Variants in ZNF197 observed in about 807,000 individuals in gnomAD.
ZNF197 encodes zinc finger protein 197.
ZNF197 carries 14 observed loss-of-function variants against 27.4 expected under a neutral mutation model. That is an observed-to-expected ratio of 0.51 (90% confidence interval 0.34 to 0.80). The LOEUF (loss-of-function observed/expected upper bound fraction) is 0.80. Among genes scored for constraint, ZNF197 ranks in the 30% least tolerant of loss-of-function variants. The pLI, the probability that ZNF197 is intolerant of heterozygous loss-of-function variation, is 0.02. For missense variants in ZNF197, 1,090 were observed against 1,222.6 expected (o/e 0.89, Z 1.62); for synonymous variants, 415 against 420.0 (o/e 0.99, Z 0.15).
At chr3:44,628,965 C>G in intron 1 of ZNF197, 109 bp from the exon 2 acceptor site, 1 of 751,508 alleles carries the variant, frequency 1.3e-6, no homozygotes, top group Non-Finnish European at 2.1e-6. Context: ...ACCTTGCACT[C>G]ACAAAGGTTC....
rs146860784 is a variant in ZNF197 at position 44,642,828 on chromosome 3, C to A, written c.1698C>A (p.Tyr566Ter). 1.9e-6 allele frequency: 3 copies of A among 1,613,944 alleles called. No individual in the cohort carries two copies. In the African/African-American group the frequency reaches 4.0e-5, roughly 22 times the overall value. Residue 566 changes from tyrosine to a stop codon, truncating the protein, a stop_gained, in exon 6 of 6, where the codon TAC (tyrosine) becomes TAA (stop). Transcript: ENST00000344387. LOFTEE classifies it low-confidence loss of function (END_TRUNC). The stretch of plus-strand genomic sequence containing the variant: ...GACTCCACAGTGCAGAGAACCCTTA[C>A]AAGTGTAAAGAATGTGGAAAAGTTT... ...HQRLHSAENP[Y>*]KCKECGKVFI...
Position 44,629,266 on chromosome 3 carries a change from T to G in ZNF197, c.112T>G (p.Trp38Gly). ...CTTCCAAGGAAGTAGCTCCTCTGTT[T>G]GGGAGACCTCCCACCTACACTTTAG... ...TSFQGSSSSV[W>G]ETSHLHFRQL... The change falls in exon 2 of 6, where the codon TGG becomes GGG. Residue 38 changes from tryptophan to glycine, a missense_variant. Physicochemically the swap from Trp to Gly is radical, Grantham distance 184. Transcript: ENST00000344387. The G allele has an allele frequency of 6.2e-7, 1 of 1,614,138 alleles. No homozygotes were observed. The highest frequency in any genetic ancestry group is 8.5e-7 in the Non-Finnish European group (1 of 1,180,026).
At chr3:44,628,462 G>A (rs1701793602) in intron 1 of ZNF197, among the ~76,000 whole-genome samples, 1 of 152,182 alleles carries the variant, frequency 6.6e-6, no homozygotes, top group South Asian at 2.1e-4. Flanking sequence ...GGCATGTAGA[G>A]CAAAACTACA....
chr3:44,629,204 T>G lies in ZNF197; in HGVS notation c.50T>G (p.Val17Gly). 6.2e-7 allele frequency: 1 copy of G among 1,613,814 alleles called. No individual in the cohort carries two copies. The highest frequency in any genetic ancestry group is 8.5e-7 in the Non-Finnish European group (1 of 1,179,896). The stretch of plus-strand genomic sequence containing the variant: ...AATGCTCTGAGACAAGAGGGCCTTG[T>G]GAAGGGGAAGGATGATACCTGGAAA... The part of the protein sequence containing the change: ...AHNALRQEGL[V>G]KGKDDTWKWG... The change falls in exon 2 of 6, where the codon GTG (valine) becomes GGG (glycine). Residue 17 changes from valine (V) to glycine (G), a missense_variant. Coordinates refer to ENST00000344387, the MANE Select transcript of ZNF197 (RefSeq NM_006991.5).
At chr3:44,632,266 T>C in intron 4 of ZNF197, 70 bp downstream of exon 4, 1 of 1,572,466 alleles carries the variant, frequency 6.4e-7, no homozygotes, top group Non-Finnish European at 8.8e-7. Context: ...TCTCTCATCC[T>C]TGTGCTTCAA....
At chr3:44,627,700 G>A (rs1247205815) in intron 1 of ZNF197, among the ~76,000 whole-genome samples, 6 of 151,834 alleles carry the variant, frequency 4.0e-5, no homozygotes, top group African/African-American at 1.5e-4. Context: ...GCATGGTGGT[G>A]CGAGCCTGTA....
In ZNF197 at chr3:44,647,298, T is replaced by TA. The variant is rs1188299197; in HGVS notation, c.*3080dup. 1 of 151,958 alleles carries TA rather than the reference T, an allele frequency of 6.6e-6. No individual in the cohort carries two copies. The highest frequency in any genetic ancestry group is 1.5e-5 in the Non-Finnish European group (1 of 67,960). The allele number at this position is 151,958 out of a possible 1,614,324, so 9.4% of individuals were successfully genotyped here. ...TCAGAATAGCTTAACTTTTTTTTTT[T>TA]AATGGTGGTAACTGCTGGCAAGGAT... On this transcript the variant is annotated 3_prime_UTR_variant, in exon 6 of 6. Transcript: ENST00000344387.
At chr3:44,636,304 C>CAAAA (rs1304837972) in intron 5 of ZNF197, among the ~76,000 whole-genome samples, 4 of 77,274 alleles carry the variant, frequency 5.2e-5, no homozygotes, top group Admixed American at 1.5e-4. Context: ...GACTCCGTCT[C>CAAAA]AAAAAAAAAA....
chr3:44,638,653 G>A (rs1406956106), intron 5 of ZNF197, among the ~76,000 whole-genome samples: 2 of 152,026 alleles, frequency 1.3e-5, no homozygotes, highest in East Asian at 1.9e-4. Context: ...TCTTGTTCTT[G>A]TCCTTAGAGA....
chr3:44,629,230 T>G lies in ZNF197; in HGVS notation c.76T>G (p.Trp26Gly). ...LVKGKDDTWK[W>G]GTSFQGSSSS... ...GAAGGGGAAGGATGATACCTGGAAA[T>G]GGGGAACCAGCTTCCAAGGAAGTAG... is the stretch of plus-strand genomic sequence containing the variant. The change falls in exon 2 of 6, where the codon TGG (tryptophan) becomes GGG (glycine). Residue 26 changes from tryptophan (W) to glycine (G), a missense_variant. Coordinates refer to ENST00000344387, the MANE Select transcript of ZNF197 (RefSeq NM_006991.5). 3.1e-6 allele frequency: 5 copies of G among 1,614,096 alleles called. No homozygotes were observed. The highest frequency in any genetic ancestry group is 4.2e-6 in the Non-Finnish European group (5 of 1,180,010).
At chr3:44,635,897 T>G (rs777883887) in intron 5 of ZNF197, among the ~76,000 whole-genome samples, 1 of 152,180 alleles carries the variant, frequency 6.6e-6, no homozygotes, top group Non-Finnish European at 1.5e-5. Context: ...AAGGAAAGAT[T>G]TATAACAGTT....
chr3:44,646,115 A>G lies in ZNF197; in HGVS notation c.*1895A>G. 1.0e-6 allele frequency: 1 copy of G among 985,392 alleles called. No individual in the cohort carries two copies. Among genetic ancestry groups the G allele is most frequent in the Non-Finnish European group, 1.2e-6 (1 of 829,918 alleles). 61.0% of individuals were successfully genotyped at this position (985,392 alleles called of 1,614,324 possible). On this transcript the variant is annotated 3_prime_UTR_variant, in exon 6 of 6. Transcript: ENST00000344387. ...CAAGAGTGAAAACTGGAAGGGGCCT[A>G]AGGCTTAAAGTCTTAAGACCTGGAT...
chr3:44,636,517 A>G (rs2125810775), intron 5 of ZNF197, among the ~76,000 whole-genome samples: 1 of 152,304 alleles, frequency 6.6e-6, no homozygotes, highest in African/African-American at 2.4e-5. Context: ...TTTACTTAGC[A>G]TAGTATTTCT....
At chr3:44,626,513 A>G (rs1453727587) in intron 1 of ZNF197, among the ~76,000 whole-genome samples, 1 of 152,260 alleles carries the variant, frequency 6.6e-6, no homozygotes, top group Non-Finnish European at 1.5e-5. Flanking sequence ...ACAAAGGACT[A>G]ATTTTCCTGT....
Position 44,648,289 on chromosome 3 carries a change from A to T in ZNF197, c.*4069A>T, listed in dbSNP as rs1410291461. ...AGGGATGCATGTTGAAGTATTTGGA[A>T]TGAAGTGTTCTGATGTTTACAACTT... is the stretch of plus-strand genomic sequence containing the variant. On this transcript the variant is annotated 3_prime_UTR_variant, in exon 6 of 6. Coordinates refer to ENST00000344387, the MANE Select transcript of ZNF197 (RefSeq NM_006991.5). The T allele has an allele frequency of 6.6e-6, 1 of 152,174 alleles. No individual in the cohort carries two copies. The highest frequency in any genetic ancestry group is 1.5e-5 in the Non-Finnish European group (1 of 68,044). The allele number at this position is 152,174 out of a possible 1,614,324, so 9.4% of individuals were successfully genotyped here. A position where few individuals can be genotyped will look rare whatever the true frequency, so the allele number is the denominator to read the frequency against.
At chr3:44,633,207 T>A (rs963423817) in intron 5 of ZNF197, among the ~76,000 whole-genome samples, 1 of 152,214 alleles carries the variant, frequency 6.6e-6, no homozygotes, top group African/African-American at 2.4e-5. Flanking sequence ...GTTGCTAATA[T>A]ATTTTTAAAG....
chr3:44,644,392 A>G lies in ZNF197; in HGVS notation c.*172A>G. ...GGTGGCTCATGCCTGTAATCCCAGC[A>G]CTTTGAGAGGCCGAAGCGAGTGGAT... is the stretch of plus-strand genomic sequence containing the variant. On this transcript the variant is annotated 3_prime_UTR_variant, in exon 6 of 6. Coordinates refer to ENST00000344387, the MANE Select transcript of ZNF197 (RefSeq NM_006991.5). 1 of 1,362,948 alleles carries G rather than the reference A, an allele frequency of 7.3e-7. No homozygotes were observed. The allele number at this position is 1,362,948 out of a possible 1,614,324, so 84.4% of individuals were successfully genotyped here.
chr3:44,646,278 C>T lies in ZNF197; in HGVS notation c.*2058C>T. 1.0e-6 allele frequency: 1 copy of T among 985,306 alleles called. No individual in the cohort carries two copies. The highest frequency in any genetic ancestry group is 1.2e-6 in the Non-Finnish European group (1 of 829,822). 61.0% of individuals were successfully genotyped at this position (985,306 alleles called of 1,614,324 possible). On this transcript the variant is annotated 3_prime_UTR_variant, in exon 6 of 6. Coordinates refer to ENST00000344387, the MANE Select transcript of ZNF197 (RefSeq NM_006991.5). ...GATAATGAATATAAAAATGTTTCATCCAGGTTGTTGAATCATCCCAGCTTA... is the reference window on the plus strand; with the variant it reads ...GATAATGAATATAAAAATGTTTCATTCAGGTTGTTGAATCATCCCAGCTTA...
chr3:44,638,664 G>A (rs1702435854), intron 5 of ZNF197, among the ~76,000 whole-genome samples: 1 of 152,088 alleles, frequency 6.6e-6, no homozygotes, highest in African/African-American at 2.4e-5. Context: ...TCCTTAGAGA[G>A]AACACATTCA....
Sources: allele counts gnomAD v4.1 joint callset (sites outside exome capture counted in the v4.1 genomes callset), GRCh38; gene constraint gnomAD v4.1.1; transcripts MANE v1.5; gene names NCBI Gene and HGNC (gene_info 2026-07-23, HGNC 2026-07-21).